Variants in FHIT observed in about 807,000 individuals in gnomAD.
The protein encoded by FHIT is fragile histidine triad diadenosine triphosphatase, also known as bis(5'-adenosyl)-triphosphatase.
In FHIT, 19 loss-of-function variants were observed where a neutral mutation model predicts 17.9. The ratio of observed to expected loss-of-function variants is 1.06; its 90% CI spans 0.74 to 1.56. The LOEUF is 1.56. Among genes scored for constraint, FHIT ranks in the 40% most tolerant of loss-of-function variants. FHIT has a pLI of 0.00. For missense variants in FHIT, 248 were observed against 189.2 expected (o/e 1.31, Z -1.82); for synonymous variants, 81 against 69.7 (o/e 1.16, Z -0.81).
chr3:60,690,709 G>A (rs1323759465), intron 4 of FHIT: 1 of 442,860 alleles, frequency 2.3e-6, no homozygotes, highest in Non-Finnish European at 4.5e-6. Flanking sequence ...GAAAACAGTG[G>A]GGTTGACCAT....
At chr3:60,547,454 GA>G (rs1415212008) in intron 4 of FHIT, among the ~76,000 whole-genome samples, 3 of 151,316 alleles carry the variant, frequency 2.0e-5, no homozygotes, top group Non-Finnish European at 4.4e-5. Flanking sequence ...ATACATAAAT[GA>G]AAAAAAAGGT....
chr3:60,228,267 C>G (rs9870279), intron 5 of FHIT, among the ~76,000 whole-genome samples: 47,465 of 151,944 alleles, frequency 0.31, 8,672 homozygotes, highest in African/African-American at 0.51. Flanking sequence ...AATCCACAGA[C>G]ACAGAGCAAA....
intron 7 of FHIT, among the ~76,000 whole-genome samples, chr3:59,954,297 GT>G (rs1252742236): frequency 6.8e-6 from 1 of 147,432 alleles, no homozygotes; most frequent in Non-Finnish European, 1.5e-5. Flanking sequence ...TCAGGCTTGG[GT>G]CTGAAGATCC....
intron 5 of FHIT, among the ~76,000 whole-genome samples, chr3:60,429,565 C>A (rs1446053211): frequency 6.6e-6 from 1 of 152,066 alleles, no homozygotes; most frequent in Non-Finnish European, 1.5e-5. Flanking sequence ...CCTCCCCAGG[C>A]AGCAGGTTTA....
intron 2 of FHIT, among the ~76,000 whole-genome samples, chr3:61,156,606 A>G (rs2037541050): frequency 6.6e-6 from 1 of 152,186 alleles, no homozygotes; most frequent in African/African-American, 2.4e-5. Flanking sequence ...TCAAGAAAAT[A>G]CCATACCCCT....
intron 5 of FHIT, among the ~76,000 whole-genome samples, chr3:60,464,477 T>G (rs1010879698): frequency 1.3e-5 from 2 of 152,098 alleles, no homozygotes; most frequent in African/African-American, 4.8e-5. Context: ...TGTAACAACA[T>G]CTGTGTATGC....
At chr3:60,201,019 T>C (rs1262539720) in intron 5 of FHIT, among the ~76,000 whole-genome samples, 4 of 152,138 alleles carry the variant, frequency 2.6e-5, no homozygotes, top group Admixed American at 2.6e-4. Flanking sequence ...AAAGTTCAGC[T>C]GGGAAGACAA....
chr3:61,214,709 G>C (rs965621026), intron 1 of FHIT, among the ~76,000 whole-genome samples: 3 of 152,170 alleles, frequency 2.0e-5, no homozygotes, highest in South Asian at 2.1e-4. Flanking sequence ...AACCAAAAGA[G>C]AGAATTTTAG....
chr3:60,633,289 T>C (rs1425494472), intron 4 of FHIT, among the ~76,000 whole-genome samples: 1 of 152,168 alleles, frequency 6.6e-6, no homozygotes, highest in Non-Finnish European at 1.5e-5. Flanking sequence ...ATTGAGCAAG[T>C]GACTTAACCC....
chr3:60,524,329 A>G (rs1486016658), intron 5 of FHIT, among the ~76,000 whole-genome samples: 1 of 152,150 alleles, frequency 6.6e-6, no homozygotes, highest in East Asian at 1.9e-4. Context: ...GATAATGGGA[A>G]AGACTATTCT....
At chr3:60,339,713 G>C (rs536053624) in intron 5 of FHIT, among the ~76,000 whole-genome samples, 3 of 152,280 alleles carry the variant, frequency 2.0e-5, no homozygotes, top group South Asian at 4.1e-4. Flanking sequence ...ACTAGTGACT[G>C]AAATTAACTA....
At chr3:59,834,774 G>T (rs1305710503) in intron 8 of FHIT, among the ~76,000 whole-genome samples, 1 of 152,034 alleles carries the variant, frequency 6.6e-6, no homozygotes, top group South Asian at 2.1e-4. Flanking sequence ...AATTTTGAAG[G>T]ACACAAACAT....
intron 5 of FHIT, among the ~76,000 whole-genome samples, chr3:60,058,127 T>G (rs1702155114): frequency 7.6e-6 from 1 of 130,882 alleles, no homozygotes; most frequent in African/African-American, 2.9e-5. Context: ...AGTACAGAGT[T>G]GTGTTTTTTT....
intron 5 of FHIT, among the ~76,000 whole-genome samples, chr3:60,155,836 C>T (rs541429941): frequency 6.6e-6 from 1 of 152,172 alleles, no homozygotes; most frequent in South Asian, 2.1e-4. Flanking sequence ...CTCCAACCTC[C>T]ACCTCAACCG....
At chr3:60,549,523 G>A (rs769085178) in intron 4 of FHIT, among the ~76,000 whole-genome samples, 7 of 152,098 alleles carry the variant, frequency 4.6e-5, no homozygotes, top group South Asian at 2.1e-4. Context: ...TTAAGGCTAC[G>A]GGTATGAACT....
At chr3:60,541,891 G>GA (rs1404898178) in intron 4 of FHIT, among the ~76,000 whole-genome samples, 1 of 152,188 alleles carries the variant, frequency 6.6e-6, no homozygotes, top group African/African-American at 2.4e-5. Context: ...TCTACTTGAT[G>GA]AGCTACTATT....
chr3:60,531,746 C>T (rs958076058), intron 5 of FHIT, among the ~76,000 whole-genome samples: 2 of 152,196 alleles, frequency 1.3e-5, no homozygotes, highest in African/African-American at 4.8e-5. Flanking sequence ...GTAAGAATCA[C>T]TGTTAAGTAA....
At chr3:59,922,199 C>T in intron 8 of FHIT, 147 bp downstream of exon 8, 2 of 704,300 alleles carry the variant, frequency 2.8e-6, no homozygotes, top group Non-Finnish European at 5.0e-6. Context: ...ATTCTTGACT[C>T]CTTGGCCTCT....
chr3:60,381,078 A>C (rs1012122304), intron 5 of FHIT, among the ~76,000 whole-genome samples: 2 of 152,206 alleles, frequency 1.3e-5, no homozygotes, highest in Admixed American at 6.5e-5. Flanking sequence ...TTGGTGCTTC[A>C]TGTCACATAT....
Sources: gnomAD v4.1 joint callset for allele counts (sites outside exome capture counted in the v4.1 genomes callset) on GRCh38, gnomAD v4.1.1 for gene constraint, MANE v1.5 for transcripts, NCBI Gene and HGNC (gene_info 2026-07-23, HGNC 2026-07-21) for gene names.